Variants in NCBP2L observed in about 807,000 individuals in gnomAD.
NCBP2L encodes the protein nuclear cap binding protein subunit 2 like.
For synonymous variants in NCBP2L, 39 were observed against 19.2 expected (o/e 2.04, Z -2.70); for missense variants, 95 against 53.1 (o/e 1.79, Z -2.45).
intron 1 of NCBP2L, among the ~76,000 whole-genome samples, chrX:107,790,947 G>C (rs770412220): frequency 8.9e-6 from 1 of 111,829 alleles, no homozygotes; most frequent in Admixed American, 9.5e-5. Flanking sequence ...TGGGCCTACT[G>C]TGTGCTCCTG....
intron 1 of NCBP2L, among the ~76,000 whole-genome samples, chrX:107,783,368 T>A (rs1930351393): frequency 1.0e-5 from 1 of 96,220 alleles, no homozygotes; most frequent in African/African-American, 4.0e-5. Context: ...CTTTTTTTTT[T>A]TTTTTTTTTT....
intron 1 of NCBP2L, among the ~76,000 whole-genome samples, chrX:107,785,702 T>C (rs1473227655): frequency 9.0e-6 from 1 of 111,534 alleles, no homozygotes; most frequent in East Asian, 2.8e-4. Flanking sequence ...AAGGAAAAAC[T>C]GTGTTGTATA....
At chrX:107,783,373 T>TA (rs796864446) in intron 1 of NCBP2L, among the ~76,000 whole-genome samples, 1,275 of 89,998 alleles carry the variant, frequency 0.014, 17 homozygotes, top group Non-Finnish European at 0.022. Flanking sequence ...TTTTTTTTTT[T>TA]TTTTTTATTT....
At chrX:107,780,681 G>C (rs1602434054) in intron 1 of NCBP2L, among the ~76,000 whole-genome samples, 1 of 103,297 alleles carries the variant, frequency 9.7e-6, no homozygotes, top group Non-Finnish European at 2.0e-5. Flanking sequence ...CAAGGCTGGA[G>C]TGCAGTGCCA....
chrX:107,781,746 C>CTATAGATATCTA (rs1930288896), intron 1 of NCBP2L, among the ~76,000 whole-genome samples: 6 of 41,425 alleles, frequency 1.4e-4, no homozygotes, highest in South Asian at 1.7e-3. Flanking sequence ...ATATAGATAT[C>CTATAGATATCTA]TATATATAGA....
At chrX:107,779,421 C>T (rs1007536829) in intron 1 of NCBP2L, among the ~76,000 whole-genome samples, 1 of 111,946 alleles carries the variant, frequency 8.9e-6, no homozygotes, top group Non-Finnish European at 1.9e-5. Context: ...GTTAATTTAT[C>T]CCCTGAATAT....
intron 1 of NCBP2L, among the ~76,000 whole-genome samples, chrX:107,789,750 G>C (rs1930428558): frequency 9.0e-6 from 1 of 111,116 alleles, no homozygotes. Flanking sequence ...TCTTCTGACT[G>C]TCCTCATTCC....
chrX:107,784,997 G>A (rs1487439040), intron 1 of NCBP2L, among the ~76,000 whole-genome samples: 2 of 92,128 alleles, frequency 2.2e-5, no homozygotes, highest in African/African-American at 8.3e-5. Context: ...ACAAAAGAAA[G>A]AAGGAAGGAA....
intron 1 of NCBP2L, among the ~76,000 whole-genome samples, chrX:107,789,101 T>G (rs1305975954): frequency 2.7e-5 from 3 of 110,525 alleles, no homozygotes; most frequent in African/African-American, 9.9e-5. Flanking sequence ...ATCTAGGTCG[T>G]TGGATGCTAA....
intron 1 of NCBP2L, among the ~76,000 whole-genome samples, chrX:107,790,335 G>A (rs1930434927): frequency 9.0e-6 from 1 of 111,398 alleles, no homozygotes; most frequent in African/African-American, 3.3e-5. Context: ...CCTGCCTCTT[G>A]GCCTGCTCCC....
intron 1 of NCBP2L, among the ~76,000 whole-genome samples, chrX:107,785,426 T>C (rs1035023240): frequency 8.9e-6 from 1 of 111,906 alleles, no homozygotes; most frequent in African/African-American, 3.3e-5. Context: ...GTGCAAGTTT[T>C]AGTTTTTTGT....
At chrX:107,789,801 G>A (rs753386947) in intron 1 of NCBP2L, among the ~76,000 whole-genome samples, 3 of 109,335 alleles carry the variant, frequency 2.7e-5, no homozygotes, top group South Asian at 8.1e-4. Flanking sequence ...TGGACTTTTC[G>A]TCTGCCACCC....
chrX:107,781,725 TATAG>T, intron 1 of NCBP2L, among the ~76,000 whole-genome samples: 1 of 93,175 alleles, frequency 1.1e-5, no homozygotes, highest in South Asian at 4.8e-4. Flanking sequence ...TATAGATATC[TATAG>T]ATCTATATAT....
intron 1 of NCBP2L, among the ~76,000 whole-genome samples, chrX:107,793,000 G>A (rs1172903410): frequency 1.8e-5 from 2 of 112,225 alleles, no homozygotes; most frequent in Admixed American, 9.5e-5. Context: ...AATATTTATT[G>A]TGTGTCTAAG....
intron 1 of NCBP2L, among the ~76,000 whole-genome samples, chrX:107,783,594 A>G (rs1037344678): frequency 9.3e-6 from 1 of 106,955 alleles, no homozygotes; most frequent in Non-Finnish European, 1.9e-5. Context: ...GCTGGTCTTG[A>G]ACTCCTGACT....
At chrX:107,784,222 A>G (rs1248537576) in intron 1 of NCBP2L, among the ~76,000 whole-genome samples, 1 of 111,883 alleles carries the variant, frequency 8.9e-6, no homozygotes, top group Non-Finnish European at 1.9e-5. Context: ...ACAAACTTGA[A>G]TGGCAAGTTA....
intron 1 of NCBP2L, among the ~76,000 whole-genome samples, chrX:107,783,930 GTA>G (rs202200330): frequency 0.19 from 20,139 of 107,675 alleles, 2,244 homozygotes; most frequent in African/African-American, 0.39. Flanking sequence ...GACAATCACA[GTA>G]TATATGATAA....
Position 107,782,210 on chromosome X carries a change from A to AATATATATATATAAAT in NCBP2L, c.-73+4363_-73+4364insTAAATATATATATATA, listed in dbSNP as rs1417270792. On this transcript the variant is annotated intron_variant, in intron 1 of 1. Coordinates refer to ENST00000509000, the MANE Select transcript of NCBP2L (RefSeq NM_001348372.2). ...ATATATATATAAATATATATATATA[A>AATATATATATATAAAT]ATATATATATAAATATATATATATA... is the stretch of plus-strand genomic sequence containing the variant. Among the ~76,000 whole-genome samples, 13 of 7,058 alleles carry AATATATATATATAAAT rather than the reference A, an allele frequency of 1.8e-3. 2 individuals are homozygous for AATATATATATATAAAT. Among genetic ancestry groups the AATATATATATATAAAT allele is most frequent in the South Asian group, 0.023 (2 of 86 alleles). The allele number at this position is 7,058 out of a possible 115,157, so 6.1% of individuals were successfully genotyped here. A position where few individuals can be genotyped will look rare whatever the true frequency, so the allele number is the denominator to read the frequency against.
chrX:107,782,247 AT>A (rs1930315217), intron 1 of NCBP2L, among the ~76,000 whole-genome samples: 2 of 21,729 alleles, frequency 9.2e-5, no homozygotes, highest in Non-Finnish European at 1.3e-4. Context: ...ATATATATAT[AT>A]AAATATATAT....
Sources: allele counts gnomAD v4.1 joint callset (sites outside exome capture counted in the v4.1 genomes callset), GRCh38; gene constraint gnomAD v4.1.1; transcripts MANE v1.5; gene names NCBI Gene and HGNC (gene_info 2026-07-23, HGNC 2026-07-21).